The following GSN variants were observed in gnomAD, a reference collection of about 807,000 sequenced individuals.
GSN encodes the protein gelsolin.
Under a neutral mutation model 85.7 loss-of-function variants are expected in GSN, and 56 were observed. The ratio of observed to expected loss-of-function variants is 0.65; its 90% CI spans 0.53 to 0.82. The LOEUF is 0.82. Among genes scored for constraint, GSN ranks in the 40% least tolerant of loss-of-function variants. GSN has a pLI of 0.00. For synonymous variants in GSN, 373 were observed against 399.1 expected, an observed-to-expected ratio of 0.93 and a Z score of 0.78; for missense variants, 857 against 979.8, an observed-to-expected ratio of 0.87 and a Z score of 1.67.
chr9:121,205,875 T>C (rs1482323045), upstream of GSN, among the ~76,000 whole-genome samples: 2 of 152,130 alleles, frequency 1.3e-5, no homozygotes, highest in Non-Finnish European at 2.9e-5. Context: ...TCTGTTGTGT[T>C]TATTTAAACA....
intron 4 of GSN, among the ~76,000 whole-genome samples, chr9:121,211,817 CA>C (rs765685813): frequency 6.6e-6 from 1 of 152,046 alleles, no homozygotes; most frequent in Non-Finnish European, 1.5e-5. Context: ...ACCTCCCCAC[CA>C]AAAGAAAAAA....
chr9:121,312,342 A>G lies in GSN; in HGVS notation c.517A>G (p.Ile173Val), dbSNP rs1309900188. ...DCFILDLGNN[I>V]HQWCGSNSNR... Reference sequence around the variant, plus strand: ...TTCCTGGGTCTCTGTCTTCCAGAACATCCACCAGTGGTGTGGTTCCAACAG... The same window carrying G: ...TTCCTGGGTCTCTGTCTTCCAGAACGTCCACCAGTGGTGTGGTTCCAACAG... Residue 173 changes from isoleucine to valine, a missense_variant, in exon 6 of 18, where the codon ATC becomes GTC. Coordinates refer to ENST00000432226, the MANE Select transcript of GSN (RefSeq NM_198252.3). The G allele has an allele frequency of 1.2e-6, 2 of 1,614,012 alleles. No individual in the cohort carries two copies. The highest frequency in any genetic ancestry group is 8.5e-7 in the Non-Finnish European group (1 of 1,179,996).
intron 5 of GSN, among the ~76,000 whole-genome samples, chr9:121,244,500 T>C (rs2132213039): frequency 6.6e-6 from 1 of 152,332 alleles, no homozygotes; most frequent in South Asian, 2.1e-4. Flanking sequence ...CTCATCAGCA[T>C]TTAGCATTGT....
chr9:121,231,558 A>G (rs1158953900), intron 5 of GSN, among the ~76,000 whole-genome samples: 2 of 152,206 alleles, frequency 1.3e-5, no homozygotes, highest in Non-Finnish European at 2.9e-5. Flanking sequence ...AGAAAAAACA[A>G]AAAACAAAAT....
intron 2 of GSN, among the ~76,000 whole-genome samples, chr9:121,291,421 T>C (rs928624017): frequency 2.0e-5 from 3 of 148,688 alleles, no homozygotes; most frequent in Admixed American, 6.7e-5. Flanking sequence ...CTGGACTTTT[T>C]TTTTTTTTTT....
chr9:121,213,453 A>G (rs2054003393), intron 4 of GSN, among the ~76,000 whole-genome samples: 1 of 152,234 alleles, frequency 6.6e-6, no homozygotes, highest in Non-Finnish European at 1.5e-5. Flanking sequence ...GCCTGTGGCT[A>G]CTGCTCCCAT....
chr9:121,320,726 G>A (rs1252743629), intron 10 of GSN, among the ~76,000 whole-genome samples: 1 of 151,874 alleles, frequency 6.6e-6, no homozygotes. Flanking sequence ...ATATTAGTAA[G>A]ATAATAATAA....
chr9:121,299,841 T>C lies in GSN; in HGVS notation c.-9-2122T>C. On this transcript the variant is annotated intron_variant, in intron 2 of 17. Coordinates refer to ENST00000432226, the MANE Select transcript of GSN (RefSeq NM_198252.3). This position sits in a 1 kb window ranked among gnomAD's most constrained non-coding sequence, Gnocchi z 4.2. ...CCCGAGGCCGCGGCTGCCGACTGGG[T>C]CCCCTGCCGCTGTCGCCACCATGGC... The C allele has an allele frequency of 7.4e-7, 1 of 1,348,210 alleles. No homozygotes were observed. The highest frequency in any genetic ancestry group is 1.7e-5 in the South Asian group (1 of 60,318). 83.5% of individuals were successfully genotyped at this position (1,348,210 alleles called of 1,614,324 possible). A position where few individuals can be genotyped will look rare whatever the true frequency, so the allele number is the denominator to read the frequency against.
chr9:121,240,383 T>C (rs907202940), intron 5 of GSN, among the ~76,000 whole-genome samples: 4 of 152,208 alleles, frequency 2.6e-5, no homozygotes, highest in African/African-American at 9.6e-5. Context: ...TGGGTGCTGA[T>C]ATCTATATGC....
In GSN at chr9:121,300,162, G is replaced by T. The variant is rs1040403743; in HGVS notation, c.-9-1801G>T. ...CTTGCTGCTTCCGGGGCTCTGGCTCGCAGACGAGGGTGGGAGCCTCGGGGC... is the reference window on the plus strand; with the variant it reads ...CTTGCTGCTTCCGGGGCTCTGGCTCTCAGACGAGGGTGGGAGCCTCGGGGC... On this transcript the variant is annotated intron_variant, in intron 2 of 17. Coordinates refer to ENST00000432226, the MANE Select transcript of GSN (RefSeq NM_198252.3). The T allele has an allele frequency of 5.4e-6, 8 of 1,473,620 alleles. No homozygotes were observed. In the East Asian group the frequency reaches 1.8e-4, roughly 33 times the overall value. 91.3% of individuals were successfully genotyped at this position (1,473,620 alleles called of 1,614,324 possible).
At chr9:121,203,642 A>G (rs1239280634), upstream of GSN, among the ~76,000 whole-genome samples, 1 of 152,196 alleles carries the variant, frequency 6.6e-6, no homozygotes, top group Non-Finnish European at 1.5e-5. Context: ...AGTGTGTGCC[A>G]GTTTGTACAT....
At chr9:121,301,433 C>T (rs889346032) in intron 2 of GSN, among the ~76,000 whole-genome samples, 5 of 152,106 alleles carry the variant, frequency 3.3e-5, no homozygotes, top group Non-Finnish European at 5.9e-5. Flanking sequence ...TCCAGACCAG[C>T]CTGACCAACA....
chr9:121,208,154 C>T (rs1189045520), intron 1 of GSN, among the ~76,000 whole-genome samples: 1 of 152,180 alleles, frequency 6.6e-6, no homozygotes, highest in Non-Finnish European at 1.5e-5. Context: ...CACCCATACA[C>T]ACACGGAATT....
intron 8 of GSN, chr9:121,317,528 G>C (rs2061861660): frequency 2.6e-6 from 1 of 381,426 alleles, no homozygotes. Flanking sequence ...CTAACTGTAT[G>C]GTCAGATAAA....
At chr9:121,288,945 A>G (rs947648328) in intron 2 of GSN, among the ~76,000 whole-genome samples, 2 of 152,214 alleles carry the variant, frequency 1.3e-5, no homozygotes, top group African/African-American at 4.8e-5. Flanking sequence ...AGGGCCTGCT[A>G]CGTGGCACAG....
At chr9:121,262,669 C>T (rs1260785176) in intron 6 of GSN, among the ~76,000 whole-genome samples, 3 of 152,154 alleles carry the variant, frequency 2.0e-5, no homozygotes, top group African/African-American at 7.2e-5. Flanking sequence ...ATTTATTGGG[C>T]ATAATTACAG....
At chr9:121,265,785 T>A (rs1178573833), upstream of GSN, 1 of 152,158 alleles carries the variant, frequency 6.6e-6, no homozygotes, top group Non-Finnish European at 1.5e-5. Flanking sequence ...GGCCTTACCT[T>A]ACCTAGATCC....
intron 6 of GSN, among the ~76,000 whole-genome samples, chr9:121,251,077 C>T (rs541698632): frequency 4.4e-4 from 67 of 151,516 alleles, no homozygotes; most frequent in Admixed American, 3.7e-3. Flanking sequence ...CCTCCTGCCG[C>T]GGCATCCCAG....
In GSN at chr9:121,230,266, G is replaced by A. The variant is rs538651843; in HGVS notation, c.-527-899G>A. Among the ~76,000 whole-genome samples the A allele has an allele frequency of 1.9e-4, 29 of 152,214 alleles. No homozygotes were observed. In the South Asian group the frequency reaches 5.0e-3, roughly 26 times the overall value. ...AAAAGGAGGCTCAGAGAGAGAAAAC[G>A]GCTTGCTTTCTCACAATGTTTGGGA... On this transcript the variant is annotated intron_variant, in intron 4 of 24. Coordinates refer to the GSN transcript ENST00000373823.
Sources: allele counts gnomAD v4.1 joint callset (sites outside exome capture counted in the v4.1 genomes callset), GRCh38; gene constraint gnomAD v4.1.1; non-coding constraint Gnocchi (gnomAD v3.1); transcripts MANE v1.5; gene names NCBI Gene and HGNC (gene_info 2026-07-23, HGNC 2026-07-21).